Variants in ZNF208 observed in about 807,000 individuals in gnomAD.
ZNF208 encodes the protein zinc finger protein 208.
Under a neutral mutation model 12.1 loss-of-function variants are expected in ZNF208, and 10 were observed. The observed-to-expected ratio is 0.83, with a 90% CI of 0.51 to 1.40. ZNF208 has a LOEUF of 1.40. ZNF208 is among the 40% of genes most tolerant of loss of function. The pLI, the probability that ZNF208 is intolerant of heterozygous loss-of-function variation, is 0.00. For missense variants in ZNF208, 1,652 were observed against 1,485.0 expected (o/e 1.11, Z -1.85); for synonymous variants, 497 against 488.4 (o/e 1.02, Z -0.23).
intron 3 of ZNF208, among the ~76,000 whole-genome samples, chr19:21,977,965 G>A (rs535038539): frequency 1.4e-4 from 22 of 152,278 alleles, no homozygotes; most frequent in East Asian, 3.9e-4. Context: ...AAAGCCACCC[G>A]GAAGATTGAA....
chr19:22,010,010 C>G (rs961013057), intron 1 of ZNF208, among the ~76,000 whole-genome samples: 7 of 152,026 alleles, frequency 4.6e-5, no homozygotes, highest in African/African-American at 1.7e-4. Flanking sequence ...ATGGTGAAAC[C>G]CTTTCTCAAC....
In ZNF208 at chr19:21,972,153, T is replaced by A. The variant is rs1970302338; in HGVS notation, c.2881A>T (p.Ser961Cys). Residue 961 changes from serine to cysteine, a missense_variant, in exon 4 of 4, where the codon AGT becomes TGT. Ser to Cys is a moderately radical substitution (Grantham distance 112, BLOSUM62 -1). Around this residue, in one of 3 missense-constraint regions of ZNF208, gnomAD observed 1,239 missense variants for 1,086.2 expected, o/e 1.14. Coordinates refer to ENST00000397126, the MANE Select transcript of ZNF208 (RefSeq NM_007153.3). ...TCAGTATGAATTTTCTTATGATAAC[T>A]AAGGGTTGAGGATGACTTATAGGCT... ...GKAYKSSSTL[S>C]YHKKIHTEEK... 1 of 1,610,844 alleles carries A rather than the reference T, an allele frequency of 6.2e-7. No homozygotes were observed. Among genetic ancestry groups the A allele is most frequent in the Non-Finnish European group, 8.5e-7 (1 of 1,178,014 alleles).
At chr19:22,000,247 G>A (rs7246239) in intron 1 of ZNF208, among the ~76,000 whole-genome samples, 30,067 of 152,028 alleles carry the variant, frequency 0.2, 3,503 homozygotes, top group African/African-American at 0.31. Context: ...GAAAAATACC[G>A]TAATATATGT....
intron 3 of ZNF208, among the ~76,000 whole-genome samples, chr19:21,985,519 A>G (rs537197895): frequency 6.6e-6 from 1 of 152,338 alleles, no homozygotes; most frequent in South Asian, 2.1e-4. Context: ...CTTTCATTCA[A>G]GTGGCAAACT....
chr19:21,971,933 C>T lies in ZNF208; in HGVS notation c.3101G>A (p.Cys1034Tyr), dbSNP rs878925034. 1.3e-6 allele frequency: 2 copies of T among 1,576,638 alleles called. No individual in the cohort carries two copies. The highest frequency in any genetic ancestry group is 2.2e-5 in the South Asian group (2 of 90,116). The change falls in exon 4 of 4, where the codon TGT (cysteine) becomes TAT (tyrosine). Residue 1034 changes from cysteine (C) to tyrosine (Y), a missense_variant. Physicochemically the swap from Cys to Tyr is radical, Grantham distance 194. Coordinates refer to ENST00000397126, the MANE Select transcript of ZNF208 (RefSeq NM_007153.3). Reference sequence around the variant, plus strand: ...TGAGGGCCAGCTGAAGGCTTTGTCACATTCTTCACATTTGTAGGGTGTCTC... The same window carrying T: ...TGAGGGCCAGCTGAAGGCTTTGTCATATTCTTCACATTTGTAGGGTGTCTC... ...TGETPYKCEE[C>Y]DKAFSWPSSL...
chr19:21,940,764 C>G (rs1442201348), intron 4 of ZNF208: 2 of 152,394 alleles, frequency 1.3e-5, no homozygotes, highest in African/African-American at 4.8e-5. Context: ...GGACTCCTCA[C>G]GGTGTCTACG....
chr19:21,976,154 C>T (rs1057467084), intron 3 of ZNF208, among the ~76,000 whole-genome samples: 2 of 152,024 alleles, frequency 1.3e-5, no homozygotes, highest in Non-Finnish European at 2.9e-5. Flanking sequence ...GAGATAAAAG[C>T]ATAGGAATTA....
rs1168480645 is a variant in ZNF208, at chr19:21,973,439, T to C, written c.1595A>G (p.Lys532Arg). 1.9e-6 allele frequency: 3 copies of C among 1,612,948 alleles called. No individual in the cohort carries two copies. Among genetic ancestry groups the C allele is most frequent in the Non-Finnish European group, 2.5e-6 (3 of 1,179,894 alleles). ...AAGGATTGAGAATGTACTGAAGCTT[T>C]TGCCACATTCTTCACATTTGTAGGG... ...EKPYKCEECG[K>R]SFSTFSILTK... The change falls in exon 4 of 4, where the codon AAA becomes AGA. Residue 532 changes from lysine (K) to arginine (R), a missense_variant. Transcript: ENST00000397126.
chr19:21,944,217 C>G (rs573611840), intron 4 of ZNF208, among the ~76,000 whole-genome samples: 2 of 152,200 alleles, frequency 1.3e-5, no homozygotes, highest in African/African-American at 4.8e-5. Flanking sequence ...TATGTAATAA[C>G]AGAAAGAAAG....
At chr19:21,985,152 AAGAC>A (rs1320295908) in intron 3 of ZNF208, among the ~76,000 whole-genome samples, 2 of 152,224 alleles carry the variant, frequency 1.3e-5, no homozygotes, top group East Asian at 3.9e-4. Context: ...CAGCCACAAA[AAGAC>A]AAAGATTGTA....
rs1970170312 is a variant in ZNF208, at chr19:21,966,487, T to C, written c.*4704A>G. ...TATTGGAGGTTGTATAAGTACATCATTTTTCTTATCCAATAAAAGATTCAT... is the reference window on the plus strand; with the variant it reads ...TATTGGAGGTTGTATAAGTACATCACTTTTCTTATCCAATAAAAGATTCAT... On this transcript the variant is annotated 3_prime_UTR_variant, in exon 4 of 4. Transcript: ENST00000397126. 6.6e-6 allele frequency: 1 copy of C among 152,142 alleles called. No individual in the cohort carries two copies. Among genetic ancestry groups the C allele is most frequent in the African/African-American group, 2.4e-5 (1 of 41,442 alleles). The allele number at this position is 152,142 out of a possible 1,614,324, so 9.4% of individuals were successfully genotyped here. A position where few individuals can be genotyped will look rare whatever the true frequency, so the allele number is the denominator to read the frequency against.
downstream of ZNF208, among the ~76,000 whole-genome samples, chr19:21,964,018 G>C (rs1452574676): frequency 1.3e-5 from 2 of 151,722 alleles, no homozygotes; most frequent in East Asian, 3.9e-4. Context: ...AAAATGATAG[G>C]TGAGTTCATA....
At position 21,989,136 on chromosome 19, in the gene ZNF208, C is replaced by T. The variant is rs537678609; in HGVS notation, c.4-227G>A. On this transcript the variant is annotated intron_variant, in intron 1 of 3. Coordinates refer to ENST00000397126, the MANE Select transcript of ZNF208 (RefSeq NM_007153.3). ...AGTTTTATGGTACATGTGCAGAATG[C>T]GCAGGTTAATTACATATGTATACAT... is the stretch of plus-strand genomic sequence containing the variant. 8.6e-5 allele frequency among the ~76,000 whole-genome samples: 13 copies of T among 151,148 alleles called. No individual in the cohort carries two copies. In the South Asian group the frequency reaches 1.0e-3, roughly 12 times the overall value.
rs1159125372 is a variant in ZNF208 at position 21,971,758 on chromosome 19, T to A, written c.3276A>T (p.Lys1092Asn). The A allele has an allele frequency of 6.2e-7, 1 of 1,613,860 alleles. No homozygotes were observed. Among genetic ancestry groups the A allele is most frequent in the Non-Finnish European group, 8.5e-7 (1 of 1,179,964 alleles). ...TAAGGTTTGAGGACCAGTTGAAAGCTTTGCCACATTCTTCACATTTGTAGG... is the reference window on the plus strand; with the variant it reads ...TAAGGTTTGAGGACCAGTTGAAAGCATTGCCACATTCTTCACATTTGTAGG... Reference protein sequence around the residue: ...EEPYKCEECGKAFNWSSNLME... With the variant: ...EEPYKCEECGNAFNWSSNLME... Residue 1092 changes from lysine (K) to asparagine (N), a missense_variant, in exon 4 of 4, where the codon AAA (lysine) becomes AAT (asparagine). Lys to Asn is a moderately conservative substitution (Grantham distance 94). Around this residue, in one of 3 missense-constraint regions of ZNF208, gnomAD observed 1,239 missense variants for 1,086.2 expected, o/e 1.14. Transcript: ENST00000397126.
intron 1 of ZNF208, among the ~76,000 whole-genome samples, chr19:21,995,684 C>CA (rs1269499822): frequency 2.0e-5 from 3 of 152,142 alleles, no homozygotes; most frequent in African/African-American, 7.2e-5. Context: ...AGTAGAAGGA[C>CA]AAGAAGACTC....
chr19:21,979,715 A>G (rs1432600670), intron 3 of ZNF208, among the ~76,000 whole-genome samples: 2 of 152,214 alleles, frequency 1.3e-5, no homozygotes, highest in African/African-American at 4.8e-5. Context: ...GACAGGATCA[A>G]ATTCACACAC....
chr19:21,998,389 C>A (rs1457357616), intron 1 of ZNF208: 1 of 152,368 alleles, frequency 6.6e-6, no homozygotes, highest in Non-Finnish European at 1.5e-5. Context: ...GATCTCCTGA[C>A]CTCGTGATCC....
chr19:21,999,202 G>A, intron 1 of ZNF208, among the ~76,000 whole-genome samples: 1 of 151,966 alleles, frequency 6.6e-6, no homozygotes, highest in African/African-American at 2.4e-5. Flanking sequence ...ATAATTTTAT[G>A]TACTACTCAT....
rs1402648508 is a variant in ZNF208 at position 21,966,812 on chromosome 19, A to G, written c.*4379T>C. 6.6e-6 allele frequency: 1 copy of G among 152,178 alleles called. No homozygotes were observed. The highest frequency in any genetic ancestry group is 1.5e-5 in the Non-Finnish European group (1 of 68,018). 9.4% of individuals were successfully genotyped at this position (152,178 alleles called of 1,614,324 possible). On this transcript the variant is annotated 3_prime_UTR_variant, in exon 4 of 4. Coordinates refer to ENST00000397126, the MANE Select transcript of ZNF208 (RefSeq NM_007153.3). Reference sequence around the variant, plus strand: ...GTCATTCTTACTGGTATGAAATAGTATCACACTGTCACTTTGATTTACATC... The same window carrying G: ...GTCATTCTTACTGGTATGAAATAGTGTCACACTGTCACTTTGATTTACATC...
Sources: gnomAD v4.1 joint callset for allele counts (sites outside exome capture counted in the v4.1 genomes callset) on GRCh38, gnomAD v4.1.1 for gene constraint, gnomAD v4.1.1 regional missense constraint, MANE v1.5 for transcripts, NCBI Gene and HGNC (gene_info 2026-07-23, HGNC 2026-07-21) for gene names.